BRINP1: variants seen among roughly 807,000 people sequenced by gnomAD.
The protein encoded by BRINP1 is BMP/retinoic acid-inducible neural-specific protein 1.
BRINP1 carries 17 observed loss-of-function variants against 72.9 expected under a neutral mutation model. That is an observed-to-expected ratio of 0.23 (90% confidence interval 0.16 to 0.35). BRINP1 has a LOEUF of 0.35. BRINP1 is among the 10% of genes least tolerant of loss of function. BRINP1 has a pLI of 1.00. For synonymous variants in BRINP1, 418 were observed against 378.5 expected (o/e 1.10, Z -1.21); for missense variants, 850 against 1,001.6 (o/e 0.85, Z 2.04).
intron 2 of BRINP1, among the ~76,000 whole-genome samples, chr9:119,261,216 A>G (rs891617136): frequency 6.6e-6 from 1 of 152,150 alleles, no homozygotes; most frequent in Non-Finnish European, 1.5e-5. Context: ...GGGTGGTTGG[A>G]AAGCGTTATT....
chr9:119,229,226 A>AGAGGAT (rs1830124135), intron 5 of BRINP1, among the ~76,000 whole-genome samples: 1 of 152,144 alleles, frequency 6.6e-6, no homozygotes, highest in Admixed American at 6.6e-5. Context: ...ATATTGGCCA[A>AGAGGAT]GCACATATGC....
rs999280831 is a variant in BRINP1, at chr9:119,166,858, A to G, written c.*226T>C. 6 of 503,768 alleles carry G rather than the reference A, an allele frequency of 1.2e-5. No individual in the cohort carries two copies. The Admixed American group carries it at 1.5e-4, about 13-fold the overall frequency. 31.2% of individuals were successfully genotyped at this position (503,768 alleles called of 1,614,324 possible). A position where few individuals can be genotyped will look rare whatever the true frequency, so the allele number is the denominator to read the frequency against. On this transcript the variant is annotated 3_prime_UTR_variant, in exon 8 of 8. Transcript: ENST00000265922. Reference sequence around the variant, plus strand: ...TCCCTCAATGCTCCACAAAAGGCTGAGACCCTTCTTCATGACAGAGTGAGT... The same window carrying G: ...TCCCTCAATGCTCCACAAAAGGCTGGGACCCTTCTTCATGACAGAGTGAGT...
chr9:119,167,378 G>C lies in BRINP1; in HGVS notation c.1992C>G (p.Phe664Leu). The change falls in exon 8 of 8, where the codon TTC (phenylalanine) becomes TTG (leucine). Residue 664 changes from phenylalanine to leucine, a missense_variant. Coordinates refer to ENST00000265922, the MANE Select transcript of BRINP1 (RefSeq NM_014618.3). The surrounding 1 kb of genome is among the most constrained non-coding windows in gnomAD (Gnocchi z 4.3). ...CTGCACTGCGCAGGAGGTCGGCGTT[G>C]AACCTCAGGCTATACCCAAACACCT... The part of the protein sequence containing the change: ...DVQVFGYSLR[F>L]NADLLRSAVQ... The C allele has an allele frequency of 1.2e-6, 2 of 1,614,100 alleles. No homozygotes were observed. The highest frequency in any genetic ancestry group is 1.3e-5 in the African/African-American group (1 of 75,032).
intron 2 of BRINP1, among the ~76,000 whole-genome samples, chr9:119,294,791 G>T (rs934494885): frequency 6.7e-6 from 1 of 149,076 alleles, no homozygotes; most frequent in African/African-American, 2.5e-5. Context: ...AGGAGGTGGA[G>T]GTTGCAGTGA....
At chr9:119,276,453 T>A (rs1830658886) in intron 2 of BRINP1, among the ~76,000 whole-genome samples, 1 of 152,360 alleles carries the variant, frequency 6.6e-6, no homozygotes, top group Non-Finnish European at 1.5e-5. Context: ...TGGATCATTT[T>A]GTATCTTTTA....
intron 5 of BRINP1, among the ~76,000 whole-genome samples, chr9:119,232,766 A>C (rs1253625829): frequency 6.6e-6 from 1 of 152,022 alleles, no homozygotes; most frequent in Non-Finnish European, 1.5e-5. Context: ...ATCCCTTTCC[A>C]CATCAGGGAG....
chr9:119,336,247 C>T (rs564799420), intron 1 of BRINP1, among the ~76,000 whole-genome samples: 153 of 152,324 alleles, frequency 1.0e-3, no homozygotes, highest in Non-Finnish European at 1.4e-3. Flanking sequence ...CAAGGTCCCA[C>T]AGCTAGTTAA....
intron 1 of BRINP1, among the ~76,000 whole-genome samples, chr9:119,365,575 C>T (rs961229413): frequency 3.3e-5 from 5 of 152,180 alleles, no homozygotes; most frequent in Admixed American, 1.3e-4. Context: ...CAAAAAATGT[C>T]TCCTTGCACA....
chr9:119,221,171 T>C (rs1268292606), intron 5 of BRINP1, among the ~76,000 whole-genome samples: 1 of 152,166 alleles, frequency 6.6e-6, no homozygotes, highest in Non-Finnish European at 1.5e-5. Context: ...CCTGTAGATA[T>C]CTCTGAGCTT....
At chr9:119,197,740 C>T (rs150749211) in intron 7 of BRINP1, among the ~76,000 whole-genome samples, 1 of 152,130 alleles carries the variant, frequency 6.6e-6, no homozygotes, top group Non-Finnish European at 1.5e-5. Flanking sequence ...AACAAGCATA[C>T]GAGCTGAAAG....
rs76479079 is a variant in BRINP1 at position 119,209,891 on chromosome 9, T to C, written c.923-950A>G. Reference sequence around the variant, plus strand: ...TGATCCAGTGTTGTTTGAAGTTGTATGGGTGTCCCATCTAGCATCAACTCA... The same window carrying C: ...TGATCCAGTGTTGTTTGAAGTTGTACGGGTGTCCCATCTAGCATCAACTCA... On this transcript the variant is annotated intron_variant, in intron 6 of 7. Transcript: ENST00000265922. 1.1e-3 allele frequency among the ~76,000 whole-genome samples: 175 copies of C among 152,344 alleles called. 5 individuals carry two copies. The East Asian group carries it at 0.032, about 28-fold the overall frequency.
At position 119,356,130 on chromosome 9, in the gene BRINP1, A is replaced by T. The variant is rs369536396; in HGVS notation, c.-51+12926T>A. On this transcript the variant is annotated intron_variant, in intron 1 of 7. Transcript: ENST00000265922. ...CCACTTCAGTCACACTGGTTTCTGT[A>T]TACACTGACAGTCCCATCTCAAAAA... Among the ~76,000 whole-genome samples the T allele has an allele frequency of 2.3e-4, 35 of 150,974 alleles. 1 individual carries two copies. The South Asian group carries it at 6.7e-3, about 29-fold the overall frequency.
chr9:119,220,056 G>GTAC, intron 5 of BRINP1, among the ~76,000 whole-genome samples: 1 of 152,256 alleles, frequency 6.6e-6, no homozygotes, highest in South Asian at 2.1e-4. Flanking sequence ...AAAAGAAAGA[G>GTAC]TACTTGCACA....
At chr9:119,200,626 GA>G (rs1429587589) in intron 7 of BRINP1, among the ~76,000 whole-genome samples, 2 of 32,680 alleles carry the variant, frequency 6.1e-5, no homozygotes, top group African/African-American at 1.5e-4. Flanking sequence ...TCTGCCTCAA[GA>G]AAAAAAAAGA....
chr9:119,211,291 A>T (rs2118874249), intron 6 of BRINP1, among the ~76,000 whole-genome samples: 1 of 152,150 alleles, frequency 6.6e-6, no homozygotes, highest in South Asian at 2.1e-4. Flanking sequence ...TCTGCCTCCC[A>T]GGTTCAAGCG....
At chr9:119,209,646 T>C (rs1281235794) in intron 6 of BRINP1, among the ~76,000 whole-genome samples, 1 of 151,942 alleles carries the variant, frequency 6.6e-6, no homozygotes, top group African/African-American at 2.4e-5. Flanking sequence ...CTTCAGAAGA[T>C]GGTAGCTATA....
intron 1 of BRINP1, among the ~76,000 whole-genome samples, chr9:119,321,500 T>A (rs188067838): frequency 9.9e-5 from 15 of 152,276 alleles, no homozygotes; most frequent in Admixed American, 8.5e-4. Context: ...TTATTTATTT[T>A]TTAGTTTTTT....
chr9:119,202,000 A>C (rs549339930), intron 7 of BRINP1, among the ~76,000 whole-genome samples: 1 of 150,282 alleles, frequency 6.7e-6, no homozygotes, highest in African/African-American at 2.5e-5. Flanking sequence ...GGCAATTTCC[A>C]CCACTATGCA....
Position 119,167,325 on chromosome 9 carries a change from T to G in BRINP1, c.2045A>C (p.Gln682Pro), listed in dbSNP as rs781774593. Residue 682 changes from glutamine (Q) to proline (P), a missense_variant, in exon 8 of 8, where the codon CAG (glutamine) becomes CCG (proline). Transcript: ENST00000265922. The surrounding 1 kb of genome is among the most constrained non-coding windows in gnomAD (Gnocchi z 4.3). ...AVQQVNQSYTQGGQFYSSSSV... is the reference protein window; with the variant it reads ...AVQQVNQSYTPGGQFYSSSSV... ...CGAAGAGGAATAGAACTGGCCGCCC[T>G]GTGTGTAGGACTGGTTGACCTGCTG... 6.2e-7 allele frequency: 1 copy of G among 1,614,150 alleles called. No individual in the cohort carries two copies. Among genetic ancestry groups the G allele is most frequent in the Non-Finnish European group, 8.5e-7 (1 of 1,180,028 alleles).
Sources: gnomAD v4.1 joint callset for allele counts (sites outside exome capture counted in the v4.1 genomes callset) on GRCh38, gnomAD v4.1.1 for gene constraint, Gnocchi (gnomAD v3.1) non-coding constraint, MANE v1.5 for transcripts, NCBI Gene and HGNC (gene_info 2026-07-23, HGNC 2026-07-21) for gene names.